The following XPR1 variants were observed in gnomAD, a reference collection of about 807,000 sequenced individuals.
XPR1 encodes the protein xenotropic and polytropic retrovirus receptor 1, also known as solute carrier family 53 member 1.
Under a neutral mutation model 87.5 loss-of-function variants are expected in XPR1, and 28 were observed. That is an observed-to-expected ratio of 0.32 (90% CI 0.24 to 0.44). The LOEUF (loss-of-function observed/expected upper bound fraction) is 0.44, where lower values mean the gene tolerates loss of function less well. Among genes scored for constraint, XPR1 ranks in the 20% least tolerant of loss-of-function variants. The probability of loss-of-function intolerance (pLI) is 1.00; values close to 1 mark genes in which losing one functional copy is unlikely to be tolerated. For missense variants in XPR1, 559 were observed against 862.3 expected, an observed-to-expected ratio of 0.65 and a Z score of 4.41; for synonymous variants, 300 against 306.1, an observed-to-expected ratio of 0.98 and a Z score of 0.21.
intron 1 of XPR1, among the ~76,000 whole-genome samples, chr1:180,646,362 C>G (rs1002635081): frequency 6.6e-6 from 1 of 152,034 alleles, no homozygotes; most frequent in Non-Finnish European, 1.5e-5. Context: ...GAAGTGGTGG[C>G]TTTCAATAAC....
Position 180,711,091 on chromosome 1 carries a change from G to A in XPR1, c.121+28680G>A, listed in dbSNP as rs1269682915. On this transcript the variant is annotated intron_variant, in intron 2 of 14. Coordinates refer to ENST00000367590, the MANE Select transcript of XPR1 (RefSeq NM_004736.4). ...CAGAGACGCTCCTCACCTCCCAGAC[G>A]GGGTTGTGGCTGGGCAGAGGCGCTC... 8.1e-5 allele frequency among the ~76,000 whole-genome samples: 12 copies of A among 149,022 alleles called. No individual in the cohort carries two copies. The South Asian group carries it at 1.1e-3, about 13-fold the overall frequency.
chr1:180,879,358 TCATTGTTCTCC>T (rs1340392503), intron 13 of XPR1, among the ~76,000 whole-genome samples: 10 of 152,358 alleles, frequency 6.6e-5, no homozygotes, highest in Non-Finnish European at 1.3e-4. Context: ...TGTTGTTCTC[TCATTGTTCTCC>T]ATTAGACCTA....
intron 1 of XPR1, among the ~76,000 whole-genome samples, chr1:180,663,667 G>A (rs956460366): frequency 7.2e-5 from 11 of 152,092 alleles, no homozygotes; most frequent in African/African-American, 2.4e-4. Context: ...TTTGCTCAAG[G>A]ACCTAGGGCT....
intron 2 of XPR1, among the ~76,000 whole-genome samples, chr1:180,703,505 G>A (rs769428659): frequency 9.9e-5 from 15 of 152,044 alleles, no homozygotes; most frequent in Non-Finnish European, 1.9e-4. Context: ...CTCTTCTCAG[G>A]CCCCTGATTA....
At chr1:180,798,045 TA>T (rs201358575) in intron 3 of XPR1, among the ~76,000 whole-genome samples, 2,495 of 152,238 alleles carry the variant, frequency 0.016, 77 homozygotes, top group African/African-American at 0.055. Flanking sequence ...GATTTTAAAA[TA>T]TATGAATTGT....
At chr1:180,659,907 TCCTCTA>T (rs1186800464) in intron 1 of XPR1, among the ~76,000 whole-genome samples, 1 of 152,174 alleles carries the variant, frequency 6.6e-6, no homozygotes, top group Non-Finnish European at 1.5e-5. Context: ...TATTCCCTCT[TCCTCTA>T]TTTTTTGGAG....
chr1:180,791,215 A>G (rs1649365488), intron 3 of XPR1, among the ~76,000 whole-genome samples: 1 of 152,220 alleles, frequency 6.6e-6, no homozygotes, highest in Non-Finnish European at 1.5e-5. Flanking sequence ...AAGAATAGAA[A>G]ATGCTTCTTT....
At chr1:180,876,411 G>A (rs1652665686) in intron 13 of XPR1, among the ~76,000 whole-genome samples, 1 of 152,164 alleles carries the variant, frequency 6.6e-6, no homozygotes, top group Non-Finnish European at 1.5e-5. Context: ...TGAGGTGAGT[G>A]GATCATTTGA....
intron 12 of XPR1, among the ~76,000 whole-genome samples, chr1:180,864,652 T>C (rs1370977316): frequency 6.6e-6 from 1 of 152,172 alleles, no homozygotes; most frequent in Non-Finnish European, 1.5e-5. Context: ...GGAATAATTC[T>C]TTAGGAATTA....
At chr1:180,823,624 G>A (rs1383693369) in intron 7 of XPR1, among the ~76,000 whole-genome samples, 2 of 152,310 alleles carry the variant, frequency 1.3e-5, no homozygotes, top group South Asian at 4.1e-4. Flanking sequence ...AATTTGAATT[G>A]TGAGGCTAAG....
intron 11 of XPR1, among the ~76,000 whole-genome samples, chr1:180,843,616 T>C (rs1651586907): frequency 6.6e-6 from 1 of 152,040 alleles, no homozygotes; most frequent in South Asian, 2.1e-4. Flanking sequence ...TTATATCCCA[T>C]CTTAAATTGC....
chr1:180,861,121 C>G (rs1185822148), intron 11 of XPR1, among the ~76,000 whole-genome samples: 1 of 152,108 alleles, frequency 6.6e-6, no homozygotes, highest in Admixed American at 6.5e-5. Flanking sequence ...ATTTTGTTAT[C>G]TCCTACTAAA....
intron 2 of XPR1, among the ~76,000 whole-genome samples, chr1:180,695,658 A>T (rs1657141035): frequency 6.6e-6 from 1 of 152,076 alleles, no homozygotes. Context: ...ATGGATATCC[A>T]GTTTTCCCAG....
At chr1:180,785,536 T>C (rs985858507) in intron 2 of XPR1, among the ~76,000 whole-genome samples, 2 of 152,044 alleles carry the variant, frequency 1.3e-5, no homozygotes, top group African/African-American at 4.8e-5. Context: ...CTTTAACACA[T>C]GAAGTTTATG....
intron 2 of XPR1, among the ~76,000 whole-genome samples, chr1:180,761,435 C>A (rs1295864423): frequency 5.9e-5 from 9 of 152,114 alleles, no homozygotes; most frequent in African/African-American, 9.6e-5. Flanking sequence ...AAAAAAACAA[C>A]CAACCCCATC....
intron 3 of XPR1, among the ~76,000 whole-genome samples, chr1:180,802,926 A>ATTTGTTCC (rs1379411957): frequency 6.6e-6 from 1 of 152,082 alleles, no homozygotes; most frequent in African/African-American, 2.4e-5. Context: ...CATTTTGTTT[A>ATTTGTTCC]TTTGTTCCTC....
rs1653078644 is a variant in XPR1 at position 180,888,301 on chromosome 1, G to C, written c.*4235G>C. On this transcript the variant is annotated 3_prime_UTR_variant, in exon 15 of 15. Transcript: ENST00000367590. Reference sequence around the variant, plus strand: ...TATCTGTGGCATTGTTTTAAAATGTGGGATACAAATCTGGTAAGCAGATTT... The same window carrying C: ...TATCTGTGGCATTGTTTTAAAATGTCGGATACAAATCTGGTAAGCAGATTT... 1.3e-5 allele frequency: 2 copies of C among 151,764 alleles called. No homozygotes were observed. Among genetic ancestry groups the C allele is most frequent in the South Asian group, 4.2e-4 (2 of 4,802 alleles). The allele number at this position is 151,764 out of a possible 1,614,324, so 9.4% of individuals were successfully genotyped here.
intron 2 of XPR1, among the ~76,000 whole-genome samples, chr1:180,722,172 A>C (rs747580457): frequency 6.6e-6 from 1 of 152,074 alleles, no homozygotes; most frequent in Non-Finnish European, 1.5e-5. Context: ...AGAGGCTGAG[A>C]TGGGAGGATG....
chr1:180,723,428 A>G (rs1401355621), intron 2 of XPR1, among the ~76,000 whole-genome samples: 2 of 152,184 alleles, frequency 1.3e-5, no homozygotes, highest in African/African-American at 4.8e-5. Context: ...AAATCAAAGC[A>G]TCAAATGAAA....
Sources: gnomAD v4.1 joint callset for allele counts (sites outside exome capture counted in the v4.1 genomes callset) on GRCh38, gnomAD v4.1.1 for gene constraint, MANE v1.5 for transcripts, NCBI Gene and HGNC (gene_info 2026-07-23, HGNC 2026-07-21) for gene names.